The following ROBO2 variants were observed in gnomAD, a reference collection of about 807,000 sequenced individuals.
The protein encoded by ROBO2 is roundabout homolog 2.
ROBO2 carries 53 observed loss-of-function variants against 160.8 expected under a neutral mutation model. The observed-to-expected ratio is 0.33, with a 90% CI of 0.26 to 0.41. The LOEUF (loss-of-function observed/expected upper bound fraction) is 0.41. Among genes scored for constraint, ROBO2 ranks in the 10% least tolerant of loss-of-function variants. ROBO2 has a pLI of 1.00. For synonymous variants in ROBO2, 664 were observed against 611.7 expected, an observed-to-expected ratio of 1.09 and a Z score of -1.26; for missense variants, 1,577 against 1,722.4, an observed-to-expected ratio of 0.92 and a Z score of 1.49.
intron 2 of ROBO2, among the ~76,000 whole-genome samples, chr3:76,251,320 G>C (rs1172630303): frequency 6.6e-6 from 1 of 152,064 alleles, no homozygotes; most frequent in Non-Finnish European, 1.5e-5. Flanking sequence ...GACGTGAAAT[G>C]AAAGAGCCAG....
chr3:76,441,599 A>G (rs1039353591), intron 2 of ROBO2, among the ~76,000 whole-genome samples: 3 of 152,196 alleles, frequency 2.0e-5, no homozygotes, highest in African/African-American at 7.2e-5. Flanking sequence ...TTGTTGTTAC[A>G]TTCAGTGTGT....
intron 2 of ROBO2, among the ~76,000 whole-genome samples, chr3:76,083,913 G>A (rs1433425807): frequency 6.6e-6 from 1 of 152,060 alleles, no homozygotes; most frequent in East Asian, 1.9e-4. Flanking sequence ...TCATTAGGGA[G>A]GAATTTGAAA....
At chr3:77,029,597 A>G (rs1292286195) in intron 2 of ROBO2, among the ~76,000 whole-genome samples, 1 of 152,248 alleles carries the variant, frequency 6.6e-6, no homozygotes, top group Admixed American at 6.5e-5. Context: ...TAACATAAAT[A>G]AAACCAGGAC....
At chr3:76,248,789 T>G (rs1705798235) in intron 2 of ROBO2, among the ~76,000 whole-genome samples, 1 of 152,120 alleles carries the variant, frequency 6.6e-6, no homozygotes, top group African/African-American at 2.4e-5. Flanking sequence ...TGCATTTGTT[T>G]ACTTCCCTCT....
At chr3:77,250,875 C>T (rs990327682) in intron 2 of ROBO2, among the ~76,000 whole-genome samples, 9 of 152,172 alleles carry the variant, frequency 5.9e-5, no homozygotes, top group South Asian at 2.1e-4. Flanking sequence ...TTCATGAGGG[C>T]GGAGTCTTCA....
intron 17 of ROBO2, among the ~76,000 whole-genome samples, chr3:77,592,680 T>G (rs1276257493): frequency 1.3e-5 from 2 of 152,120 alleles, no homozygotes; most frequent in African/African-American, 4.8e-5. Context: ...GCCTCCCGAA[T>G]AGCTGGGATT....
intron 2 of ROBO2, among the ~76,000 whole-genome samples, chr3:77,226,497 T>C (rs1381807398): frequency 6.6e-6 from 1 of 151,978 alleles, no homozygotes; most frequent in African/African-American, 2.4e-5. Flanking sequence ...ATGCTAAAAT[T>C]TGAACAGAAG....
intron 2 of ROBO2, among the ~76,000 whole-genome samples, chr3:76,582,418 T>C (rs1470797820): frequency 6.6e-6 from 1 of 152,142 alleles, no homozygotes; most frequent in Non-Finnish European, 1.5e-5. Flanking sequence ...TTTCTCTTTG[T>C]GAAACAGAAA....
chr3:77,273,849 C>T (rs1254774713), intron 2 of ROBO2, among the ~76,000 whole-genome samples: 3 of 152,208 alleles, frequency 2.0e-5, no homozygotes, highest in Middle Eastern at 6.8e-3. Context: ...GTCTGCATCA[C>T]CATCGTGTCA....
intron 2 of ROBO2, among the ~76,000 whole-genome samples, chr3:76,091,704 A>G (rs2069243693): frequency 1.3e-5 from 2 of 152,208 alleles, no homozygotes; most frequent in Non-Finnish European, 2.9e-5. Context: ...GAGAGTGTAA[A>G]TAAACTGTGG....
At chr3:77,568,867 T>A (rs553816053) in intron 13 of ROBO2, among the ~76,000 whole-genome samples, 1 of 152,042 alleles carries the variant, frequency 6.6e-6, no homozygotes, top group African/African-American at 2.4e-5. Context: ...TTTTGTAGAT[T>A]TGCCTATTCT....
chr3:76,541,454 T>G (rs765421092), intron 2 of ROBO2, among the ~76,000 whole-genome samples: 1 of 152,242 alleles, frequency 6.6e-6, no homozygotes, highest in Non-Finnish European at 1.5e-5. Flanking sequence ...TTTTTTTTAA[T>G]TGCTGAAGAG....
chr3:76,355,558 A>T (rs1204198009), intron 2 of ROBO2, among the ~76,000 whole-genome samples: 1 of 151,774 alleles, frequency 6.6e-6, no homozygotes, highest in Non-Finnish European at 1.5e-5. Flanking sequence ...AAATATTCTA[A>T]CCTATATATT....
intron 2 of ROBO2, among the ~76,000 whole-genome samples, chr3:76,665,847 G>A (rs1188346053): frequency 1.4e-5 from 2 of 144,874 alleles, no homozygotes; most frequent in East Asian, 3.9e-4. Context: ...TAAAAATATT[G>A]TGTGATTGTA....
exon 21 of ROBO2, chr3:77,607,798 G>A (rs1213319518): frequency 6.2e-7 from 1 of 1,613,258 alleles, no homozygotes; most frequent in Non-Finnish European, 8.5e-7. Flanking sequence ...TTACTTTCAG[G>A]TGGGAAAGGT....
At chr3:77,225,929 C>T (rs1255488131) in intron 2 of ROBO2, among the ~76,000 whole-genome samples, 1 of 151,880 alleles carries the variant, frequency 6.6e-6, no homozygotes, top group Non-Finnish European at 1.5e-5. Context: ...AGCATTTCTT[C>T]TAAGTTCAGA....
intron 1 of ROBO2, among the ~76,000 whole-genome samples, chr3:75,917,431 C>T (rs1460100962): frequency 1.3e-5 from 2 of 152,166 alleles, no homozygotes; most frequent in Non-Finnish European, 2.9e-5. Flanking sequence ...TTCATCCGGT[C>T]TATCATTGAT....
At chr3:77,202,452 T>C (rs1017792918) in intron 2 of ROBO2, among the ~76,000 whole-genome samples, 3 of 152,194 alleles carry the variant, frequency 2.0e-5, no homozygotes, top group African/African-American at 4.8e-5. Flanking sequence ...GTTTTTAATA[T>C]ACATCTGTCA....
chr3:76,503,008 GTGTGTGTGTGTGCGCGCGCACGCA>G (rs933717313), intron 2 of ROBO2, among the ~76,000 whole-genome samples: 3 of 150,128 alleles, frequency 2.0e-5, no homozygotes, highest in African/African-American at 7.6e-5. Context: ...ATATGTGTGT[GTGTGTGTGTGTGCGCGCGCACGCA>G]TGTGTGTGTG....
Sources: allele counts gnomAD v4.1 joint callset (sites outside exome capture counted in the v4.1 genomes callset), GRCh38; gene constraint gnomAD v4.1.1; transcripts MANE v1.5; gene names NCBI Gene and HGNC (gene_info 2026-07-23, HGNC 2026-07-21).